Variants in SPG7 observed in about 807,000 individuals in gnomAD.
SPG7 encodes the protein mitochondrial inner membrane m-AAA protease component paraplegin.
In SPG7, 103 loss-of-function variants were observed where a neutral mutation model predicts 81.9. The ratio of observed to expected loss-of-function variants is 1.26; its 90% CI spans 1.07 to 1.48. SPG7 has a LOEUF of 1.48. SPG7 is among the 40% of genes most tolerant of loss of function. The probability of loss-of-function intolerance (pLI) is 0.00; values close to 1 mark genes in which losing one functional copy is unlikely to be tolerated. For synonymous variants in SPG7, 534 were observed against 444.2 expected (o/e 1.20, Z -2.54); for missense variants, 1,241 against 1,087.3 (o/e 1.14, Z -1.99).
chr16:89,551,096 G>A, intron 13 of SPG7: 1 of 228,232 alleles, frequency 4.4e-6, no homozygotes, highest in East Asian at 9.9e-5. Context: ...TACTCTTGTA[G>A]GCAGCTGTGA....
Position 89,557,233 on chromosome 16 carries a change from G to T in SPG7, c.*140G>T, listed in dbSNP as rs112587045. 3.4e-3 allele frequency: 2,158 copies of T among 631,490 alleles called. 36 individuals carry two copies. In the African/African-American group the frequency reaches 0.036, roughly 10 times the overall value. The allele number at this position is 631,490 out of a possible 1,614,324, so 39.1% of individuals were successfully genotyped here. ...TGCACAGTGACTTCTGAGATCTGTT[G>T]ATTGATGACCCTTTTCATGATTTTA... On this transcript the variant is annotated 3_prime_UTR_variant, in exon 17 of 17. Transcript: ENST00000645818.
At chr16:89,552,582 G>A (rs547906235) in intron 13 of SPG7, 119 of 314,894 alleles carry the variant, frequency 3.8e-4, no homozygotes, top group African/African-American at 2.4e-3. Flanking sequence ...GGTGAGGACA[G>A]CCTCTGCTGC....
At chr16:89,526,952 G>A (rs899091378) in intron 5 of SPG7, 11 of 214,584 alleles carry the variant, frequency 5.1e-5, no homozygotes, top group African/African-American at 2.3e-4. Context: ...CCCCGACGTA[G>A]GATGGCGAAG....
chr16:89,536,971 TCTC>T, intron 9 of SPG7: 3 of 1,613,976 alleles, frequency 1.9e-6, no homozygotes, highest in Non-Finnish European at 2.5e-6. Context: ...CAAACGATCT[TCTC>T]CACATAACCT....
intron 3 of SPG7, among the ~76,000 whole-genome samples, chr16:89,515,713 TTA>T (rs1180547294): frequency 1.4e-5 from 2 of 142,288 alleles, no homozygotes; most frequent in Non-Finnish European, 1.5e-5. Context: ...ATTATTATTA[TTA>T]TTTTTTTTTT....
At chr16:89,546,989 C>G (rs1342121253) in intron 11 of SPG7, 1 of 531,522 alleles carries the variant, frequency 1.9e-6, no homozygotes, top group Non-Finnish European at 3.5e-6. Flanking sequence ...GACGGTGGTT[C>G]CCGGTCTGTG....
intron 7 of SPG7, chr16:89,531,161 A>T (rs952891780): frequency 2.6e-5 from 10 of 385,270 alleles, no homozygotes; most frequent in African/African-American, 4.2e-5. Context: ...CGTCACTTAC[A>T]CGTTTCCTCC....
chr16:89,529,217 T>C lies in SPG7; in HGVS notation c.759-260T>C. 9.1e-6 allele frequency: 5 copies of C among 549,096 alleles called. No homozygotes were observed. In the South Asian group the frequency reaches 1.0e-4, roughly 11 times the overall value. 34.0% of individuals were successfully genotyped at this position (549,096 alleles called of 1,614,324 possible). A position where few individuals can be genotyped will look rare whatever the true frequency, so the allele number is the denominator to read the frequency against. On this transcript the variant is annotated intron_variant, in intron 5 of 16. Transcript: ENST00000645818. ...GAAAATAGAAAAACCTGAACGTTGTTATTGTCACAAGGCTGGCTAGATCTC... is the reference window on the plus strand; with the variant it reads ...GAAAATAGAAAAACCTGAACGTTGTCATTGTCACAAGGCTGGCTAGATCTC...
rs903755908 is a variant in SPG7 at position 89,531,775 on chromosome 16, T to C, written c.988-129T>C. The C allele has an allele frequency of 2.0e-5, 18 of 881,676 alleles. No homozygotes were observed. The African/African-American group carries it at 2.5e-4, about 12-fold the overall frequency. 54.6% of individuals were successfully genotyped at this position (881,676 alleles called of 1,614,324 possible). On this transcript the variant is annotated intron_variant, in intron 7 of 16. Transcript: ENST00000645818. ...AGAGGGTGGCTTGAACCCAGGAGTT[T>C]GAGGCTGCAGTGAGCTATCATGGCA...
At chr16:89,550,164 C>T (rs958121358) in intron 12 of SPG7, 13 of 359,212 alleles carry the variant, frequency 3.6e-5, no homozygotes, top group African/African-American at 1.1e-4. Context: ...AGCTCACCCC[C>T]CCGTCATTCT....
chr16:89,553,969 G>T lies in SPG7; in HGVS notation c.2103+9G>T. 6.2e-7 allele frequency: 1 copy of T among 1,609,886 alleles called. No individual in the cohort carries two copies. On this transcript the variant is annotated intron_variant, in intron 15 of 16. Coordinates refer to ENST00000645818, the MANE Select transcript of SPG7 (RefSeq NM_003119.4). ...AGCAGATGATGGACCATGTGAGTCG[G>T]CTCTGGCCACACCGCTGCCCTCTGT...
rs779452055 is a variant in SPG7 at position 89,524,057 on chromosome 16, G to T, written c.428G>T (p.Arg143Leu). 5.0e-6 allele frequency: 8 copies of T among 1,613,700 alleles called. No individual in the cohort carries two copies. The highest frequency in any genetic ancestry group is 6.8e-6 in the Non-Finnish European group (8 of 1,180,030). Residue 143 changes from arginine to leucine, a missense_variant, in exon 4 of 17, where the codon CGC (arginine) becomes CTC (leucine). Physicochemically the swap from Arg to Leu is moderately radical, Grantham distance 102. Transcript: ENST00000645818. The part of the protein sequence containing the change: ...RDDQMYRERL[R>L]TLLVIAVVMS... ...GACCAGATGTACCGAGAGCGGCTGC[G>T]CACCTTGCTGGTCATCGCGGTTGTC... is the stretch of plus-strand genomic sequence containing the variant.
At chr16:89,516,809 G>A (rs2058102992) in intron 3 of SPG7, 1 of 151,466 alleles carries the variant, frequency 6.6e-6, no homozygotes, top group Non-Finnish European at 1.5e-5. Flanking sequence ...AGCTTGCAGT[G>A]AGCCGAGATC....
chr16:89,546,661 A>G lies in SPG7; in HGVS notation c.1453A>G (p.Arg485Gly), dbSNP rs758051527. The G allele has an allele frequency of 5.0e-6, 8 of 1,606,810 alleles. No homozygotes were observed. Among genetic ancestry groups the G allele is most frequent in the Non-Finnish European group, 3.4e-6 (4 of 1,175,104 alleles). ...TTTCCTCCCCTGGTTCTGGCAGGAG[A>G]GGCGGGAGATTTTTGAGCAGCACCT... ...VFIDLPTLQE[R>G]REIFEQHLKS... Residue 485 changes from arginine (R) to glycine (G), a missense_variant, in exon 11 of 17, where the codon AGG becomes GGG. By Grantham distance (125) the Arg-to-Gly change is moderately radical (BLOSUM62 -2). Transcript: ENST00000645818.
At chr16:89,548,151 C>A in intron 12 of SPG7, 38 bp downstream of exon 12, 2 of 1,433,418 alleles carry the variant, frequency 1.4e-6, no homozygotes, top group Non-Finnish European at 1.9e-6. Context: ...CCCTCCTTAG[C>A]AGGGCTTGAA....
At chr16:89,525,769 G>A (rs867897860) in intron 4 of SPG7, among the ~76,000 whole-genome samples, 62 of 152,236 alleles carry the variant, frequency 4.1e-4, no homozygotes, top group South Asian at 6.2e-4. Context: ...CTCTGTGGCC[G>A]CAGTTTCCTA....
intron 5 of SPG7, chr16:89,528,603 C>CT (rs199905330): frequency 0.13 from 14,872 of 113,388 alleles, 1,369 homozygotes; most frequent in Non-Finnish European, 0.17. Context: ...CTGGGATTTG[C>CT]TTTTTTTTTT....
At chr16:89,537,331 C>T (rs1270512686) in intron 9 of SPG7, 6 of 1,186,436 alleles carry the variant, frequency 5.1e-6, no homozygotes, top group Middle Eastern at 3.5e-4. Flanking sequence ...GCACCGCCGG[C>T]GATGGACGTC....
intron 9 of SPG7, chr16:89,540,812 G>A (rs2058484973): frequency 1.2e-6 from 1 of 841,520 alleles, no homozygotes; most frequent in Non-Finnish European, 1.4e-6. Flanking sequence ...GCTCATCCCA[G>A]GAAAGCAAAG....
Sources: gnomAD v4.1 joint callset for allele counts (sites outside exome capture counted in the v4.1 genomes callset) on GRCh38, gnomAD v4.1.1 for gene constraint, MANE v1.5 for transcripts, NCBI Gene and HGNC (gene_info 2026-07-23, HGNC 2026-07-21) for gene names.